PTGDR: variants seen among roughly 807,000 people sequenced by gnomAD.
The protein encoded by PTGDR is PGD2 receptor.
A neutral mutation model predicts 17.4 loss-of-function variants in PTGDR; 19 were observed. That is an observed-to-expected ratio of 1.09 (90% confidence interval 0.76 to 1.60). The LOEUF (loss-of-function observed/expected upper bound fraction) is 1.60. Among genes scored for constraint, PTGDR ranks in the 40% most tolerant of loss-of-function variants. PTGDR has a pLI of 0.00. For synonymous variants in PTGDR, 267 were observed against 224.2 expected, an observed-to-expected ratio of 1.19 and a Z score of -1.71; for missense variants, 526 against 481.9, an observed-to-expected ratio of 1.09 and a Z score of -0.86.
In PTGDR at chr14:52,268,020, C is replaced by T. The variant is rs145604058; in HGVS notation, c.206C>T (p.Thr69Met). ...SVFYMLVCGL[T>M]VTDLLGKCLL... ...TTCTACATGCTGGTGTGTGGCCTGA[C>T]GGTCACCGACTTGCTGGGCAAGTGC... The change falls in exon 1 of 2, where the codon ACG becomes ATG. Residue 69 changes from threonine (T) to methionine (M), a missense_variant. By Grantham distance (81) the Thr-to-Met change is moderately conservative. Coordinates refer to ENST00000306051, the MANE Select transcript of PTGDR (RefSeq NM_000953.3). 1.2e-6 allele frequency: 2 copies of T among 1,610,608 alleles called. No individual in the cohort carries two copies. The highest frequency in any genetic ancestry group is 8.5e-7 in the Non-Finnish European group (1 of 1,180,032).
chr14:52,279,794 T>TAA (rs148188518), downstream of PTGDR, among the ~76,000 whole-genome samples: 10 of 148,928 alleles, frequency 6.7e-5, no homozygotes, highest in Admixed American at 2.7e-4. Flanking sequence ...ATAATAAAAT[T>TAA]AAAAAAAAAA....
rs201030696 is a variant in PTGDR at position 52,275,351 on chromosome 14, C to T, written c.*387C>T. 9 of 164,188 alleles carry T rather than the reference C, an allele frequency of 5.5e-5. No individual in the cohort carries two copies. The highest frequency in any genetic ancestry group is 3.3e-4 in the South Asian group (2 of 6,112). The allele number at this position is 164,188 out of a possible 1,614,324, so 10.2% of individuals were successfully genotyped here. On this transcript the variant is annotated 3_prime_UTR_variant, in exon 2 of 2. Transcript: ENST00000306051. Reference sequence around the variant, plus strand: ...AGAAACACCACTGTTTACGATTATACGATGGACATTCATAAAAAGCATAAT... The same window carrying T: ...AGAAACACCACTGTTTACGATTATATGATGGACATTCATAAAAAGCATAAT...
intron 1 of PTGDR, chr14:52,269,373 A>T (rs1465330878): frequency 3.4e-6 from 4 of 1,191,866 alleles, no homozygotes; most frequent in Non-Finnish European, 1.2e-6. Context: ...AAGTGAGGTG[A>T]CATGAAAGCC....
At chr14:52,280,861 A>C (rs1320507756), downstream of PTGDR, among the ~76,000 whole-genome samples, 1 of 152,132 alleles carries the variant, frequency 6.6e-6, no homozygotes, top group Non-Finnish European at 1.5e-5. Flanking sequence ...AAAGGAATAG[A>C]CCTATCTCCC....
At chr14:52,269,430 A>G in intron 1 of PTGDR, 1 of 1,492,868 alleles carries the variant, frequency 6.7e-7, no homozygotes, top group Non-Finnish European at 9.0e-7. Context: ...ATGGAAATGA[A>G]ATTATCTCCT....
intron 1 of PTGDR, chr14:52,269,583 C>A: frequency 7.0e-7 from 1 of 1,427,506 alleles, no homozygotes; most frequent in Non-Finnish European, 9.5e-7. Flanking sequence ...AATTCCATTG[C>A]CAATCCCACG....
At position 52,276,034 on chromosome 14, in the gene PTGDR, T is replaced by C. The variant is rs2033418399; in HGVS notation, c.*1070T>C. On this transcript the variant is annotated 3_prime_UTR_variant, in exon 2 of 2. Transcript: ENST00000306051. ...TAGGTTCCAAGATTTTACTTCAAAT[T>C]ACACCTTCAAAACTGGAGCAGCATA... 6.6e-6 allele frequency: 1 copy of C among 152,560 alleles called. No individual in the cohort carries two copies. The allele number at this position is 152,560 out of a possible 1,614,324, so 9.5% of individuals were successfully genotyped here. A position where few individuals can be genotyped will look rare whatever the true frequency, so the allele number is the denominator to read the frequency against.
chr14:52,271,617 C>G (rs1215217019), intron 1 of PTGDR, among the ~76,000 whole-genome samples: 2 of 152,182 alleles, frequency 1.3e-5, no homozygotes, highest in Admixed American at 6.5e-5. Flanking sequence ...CACAAAAGTA[C>G]TGAAAACAGT....
intron 1 of PTGDR, among the ~76,000 whole-genome samples, chr14:52,269,269 G>A (rs2033279700): frequency 6.6e-6 from 1 of 152,166 alleles, no homozygotes; most frequent in South Asian, 2.1e-4. Context: ...CATCCGCCAG[G>A]GATTGTGGCG....
chr14:52,269,553 A>C, intron 1 of PTGDR: 1 of 1,517,078 alleles, frequency 6.6e-7, no homozygotes, highest in Non-Finnish European at 8.8e-7. Context: ...TACCTGTTCA[A>C]CAAAAACAAT....
downstream of PTGDR, among the ~76,000 whole-genome samples, chr14:52,279,574 A>G (rs1294825713): frequency 6.6e-6 from 1 of 152,080 alleles, no homozygotes. Flanking sequence ...AGCACATAGG[A>G]TGGGTGGTAC....
chr14:52,269,835 A>G (rs1416432687), intron 1 of PTGDR, among the ~76,000 whole-genome samples: 1 of 152,238 alleles, frequency 6.6e-6, no homozygotes, highest in African/African-American at 2.4e-5. Context: ...AAATGTAGAT[A>G]TAGGCGCAGA....
Position 52,267,946 on chromosome 14 carries a change from G to C in PTGDR, c.132G>C (p.Ser44=). The C allele has an allele frequency of 6.2e-7, 1 of 1,609,694 alleles. No individual in the cohort carries two copies. Among genetic ancestry groups the C allele is most frequent in the Admixed American group, 1.7e-5 (1 of 59,942 alleles). ...NLLALGLLAR[S]GLGWCSRRPL... ...TGGCCCTGGGGCTGCTGGCGCGCTCGGGGCTGGGGTGGTGCTCGCGGCGTC... is the reference window on the plus strand; with the variant it reads ...TGGCCCTGGGGCTGCTGGCGCGCTCCGGGCTGGGGTGGTGCTCGCGGCGTC... Residue 44 remains serine, a synonymous_variant, in exon 1 of 2, where the codon TCG becomes TCC. Transcript: ENST00000306051.
chr14:52,269,936 T>G (rs2033293701), intron 1 of PTGDR, among the ~76,000 whole-genome samples: 1 of 151,780 alleles, frequency 6.6e-6, no homozygotes, highest in African/African-American at 2.4e-5. Context: ...TTCCCCAGAG[T>G]TTCTAATTCA....
downstream of PTGDR, among the ~76,000 whole-genome samples, chr14:52,280,643 C>G (rs1472470922): frequency 1.3e-5 from 2 of 152,246 alleles, no homozygotes; most frequent in African/African-American, 4.8e-5. Context: ...AGTCATCCCT[C>G]TGTCCACCTG....
At position 52,275,911 on chromosome 14, in the gene PTGDR, C is replaced by G. The variant is rs571525226; in HGVS notation, c.*947C>G. 6 of 152,768 alleles carry G rather than the reference C, an allele frequency of 3.9e-5. No homozygotes were observed. The East Asian group carries it at 1.2e-3, about 29-fold the overall frequency. 9.5% of individuals were successfully genotyped at this position (152,768 alleles called of 1,614,324 possible). A position where few individuals can be genotyped will look rare whatever the true frequency, so the allele number is the denominator to read the frequency against. On this transcript the variant is annotated 3_prime_UTR_variant, in exon 2 of 2. Transcript: ENST00000306051. ...GGCACAGCAAAAAGCCCACCCAGGA[C>G]TTAGCCTCAGTTGACGATAGTAACA...
chr14:52,268,057 G>C lies in PTGDR; in HGVS notation c.243G>C (p.Pro81=), dbSNP rs754155682. 2.5e-6 allele frequency: 4 copies of C among 1,612,778 alleles called. No homozygotes were observed. The South Asian group carries it at 3.3e-5, about 13-fold the overall frequency. ...TDLLGKCLLS[P]VVLAAYAQNR... Reference sequence around the variant, plus strand: ...TGCTGGGCAAGTGCCTCCTAAGCCCGGTGGTGCTGGCTGCCTACGCTCAGA... The same window carrying C: ...TGCTGGGCAAGTGCCTCCTAAGCCCCGTGGTGCTGGCTGCCTACGCTCAGA... Residue 81 remains proline (P), a synonymous_variant, in exon 1 of 2, where the codon CCG becomes CCC. Coordinates refer to ENST00000306051, the MANE Select transcript of PTGDR (RefSeq NM_000953.3).
At chr14:52,272,875 T>G (rs190912721) in intron 1 of PTGDR, among the ~76,000 whole-genome samples, 1 of 152,266 alleles carries the variant, frequency 6.6e-6, no homozygotes, top group African/African-American at 2.4e-5. Flanking sequence ...TGTACTTATC[T>G]TTACCTGGCT....
chr14:52,269,469 CCCG>C (rs1477518545), intron 1 of PTGDR: 6 of 1,534,712 alleles, frequency 3.9e-6, no homozygotes, highest in Non-Finnish European at 5.2e-6. Context: ...TCCTGGAGTC[CCCG>C]CCAAGACACC....
Sources: allele counts gnomAD v4.1 joint callset (sites outside exome capture counted in the v4.1 genomes callset), GRCh38; gene constraint gnomAD v4.1.1; transcripts MANE v1.5; gene names NCBI Gene and HGNC (gene_info 2026-07-23, HGNC 2026-07-21).